The following OSBPL10 variants were observed in gnomAD, a reference collection of about 807,000 sequenced individuals.
OSBPL10 encodes the protein oxysterol binding protein like 10.
Under a neutral mutation model 81.7 loss-of-function variants are expected in OSBPL10, and 49 were observed. That is an observed-to-expected ratio of 0.60 (90% CI 0.48 to 0.76). The LOEUF (loss-of-function observed/expected upper bound fraction) is 0.76, where lower values mean the gene tolerates loss of function less well. Among genes scored for constraint, OSBPL10 ranks in the 30% least tolerant of loss-of-function variants. The pLI, the probability that OSBPL10 is intolerant of heterozygous loss-of-function variation, is 0.00. For missense variants in OSBPL10, 923 were observed against 987.8 expected, an observed-to-expected ratio of 0.93 and a Z score of 0.88; for synonymous variants, 419 against 383.6, an observed-to-expected ratio of 1.09 and a Z score of -1.08.
At chr3:31,831,218 C>T (rs993832904) in intron 3 of OSBPL10, among the ~76,000 whole-genome samples, 1 of 151,970 alleles carries the variant, frequency 6.6e-6, no homozygotes, top group African/African-American at 2.4e-5. Flanking sequence ...ACCAGCCTGA[C>T]CAACATGGAG....
At chr3:31,762,941 A>C (rs1283145257) in intron 4 of OSBPL10, among the ~76,000 whole-genome samples, 1 of 152,116 alleles carries the variant, frequency 6.6e-6, no homozygotes, top group East Asian at 1.9e-4. Context: ...AGATCACAGC[A>C]CAAAGGCTCA....
intron 8 of OSBPL10, among the ~76,000 whole-genome samples, chr3:31,674,893 C>A (rs1203042950): frequency 6.6e-6 from 1 of 152,208 alleles, no homozygotes; most frequent in African/African-American, 2.4e-5. Flanking sequence ...ATGACTCTGC[C>A]CAACGGCAGG....
intron 2 of OSBPL10, among the ~76,000 whole-genome samples, chr3:32,009,734 C>A (rs1326443617): frequency 1.3e-5 from 2 of 152,172 alleles, no homozygotes; most frequent in African/African-American, 2.4e-5. Flanking sequence ...AAGCTGCTTC[C>A]CCATCTTGGG....
chr3:31,777,159 T>A (rs1442834263), intron 4 of OSBPL10, among the ~76,000 whole-genome samples: 1 of 152,226 alleles, frequency 6.6e-6, no homozygotes, highest in Non-Finnish European at 1.5e-5. Flanking sequence ...ACTCACATTG[T>A]GAAGGGACTC....
chr3:32,049,803 A>G (rs1017316397), intron 1 of OSBPL10, among the ~76,000 whole-genome samples: 1 of 152,158 alleles, frequency 6.6e-6, no homozygotes, highest in Non-Finnish European at 1.5e-5. Flanking sequence ...ACTGGAAAAG[A>G]TCCCTTGGTG....
intron 1 of OSBPL10, among the ~76,000 whole-genome samples, chr3:31,947,758 G>A (rs1697743571): frequency 6.6e-6 from 1 of 152,196 alleles, no homozygotes; most frequent in African/African-American, 2.4e-5. Flanking sequence ...AAGAATCTGT[G>A]TTAGGTCATA....
intron 3 of OSBPL10, among the ~76,000 whole-genome samples, chr3:31,868,728 T>G (rs553733691): frequency 6.6e-6 from 1 of 152,332 alleles, no homozygotes; most frequent in African/African-American, 2.4e-5. Flanking sequence ...TTAAAGCCAA[T>G]GAAACTAAAA....
chr3:31,661,834 ATG>A lies in OSBPL10; in HGVS notation c.*236_*237del. On this transcript the variant is annotated 3_prime_UTR_variant, in exon 12 of 12. Coordinates refer to ENST00000396556, the MANE Select transcript of OSBPL10 (RefSeq NM_017784.5). ...TCATACTCAGATGTTTACATAGTGC[ATG>A]TGTGTGAACGTATACGGTGTGTACA... is the stretch of plus-strand genomic sequence containing the variant. The A allele has an allele frequency of 2.2e-6, 1 of 452,682 alleles. No individual in the cohort carries two copies. Among genetic ancestry groups the A allele is most frequent in the Non-Finnish European group, 3.8e-6 (1 of 260,964 alleles). The allele number at this position is 452,682 out of a possible 1,614,324, so 28.0% of individuals were successfully genotyped here.
intron 3 of OSBPL10, among the ~76,000 whole-genome samples, chr3:31,866,066 C>T (rs988264852): frequency 2.6e-5 from 4 of 152,150 alleles, no homozygotes; most frequent in Non-Finnish European, 5.9e-5. Flanking sequence ...CTCCAAAGCC[C>T]TCTGGCTCAC....
intron 3 of OSBPL10, among the ~76,000 whole-genome samples, chr3:31,845,185 C>T (rs570028799): frequency 4.7e-4 from 71 of 152,232 alleles, no homozygotes; most frequent in African/African-American, 1.6e-3. Flanking sequence ...AACCCTCCAC[C>T]GGCAATTCTA....
chr3:32,026,099 TAGATAGAGATAGAGATAGAGAC>T (rs1699410074), intron 2 of OSBPL10, among the ~76,000 whole-genome samples: 2 of 148,428 alleles, frequency 1.3e-5, no homozygotes, highest in African/African-American at 2.5e-5. Flanking sequence ...AGATGATAGA[TAGATAGAGATAGAGATAGAGAC>T]AGAGATAGAG....
At chr3:31,907,619 C>CAAAAAAAAAAAAAAAAAAAAA in intron 1 of OSBPL10, among the ~76,000 whole-genome samples, 1 of 63,872 alleles carries the variant, frequency 1.6e-5, no homozygotes, top group African/African-American at 6.9e-5. Context: ...ACCTCCATCT[C>CAAAAAAAAAAAAAAAAAAAAA]AAAAAAAAAA....
intron 4 of OSBPL10, among the ~76,000 whole-genome samples, chr3:31,825,354 C>T (rs1032182720): frequency 6.6e-6 from 1 of 152,042 alleles, no homozygotes; most frequent in African/African-American, 2.4e-5. Flanking sequence ...AAAAGTCTTG[C>T]ACAGTCGCCT....
intron 3 of OSBPL10, among the ~76,000 whole-genome samples, chr3:31,873,102 C>T (rs1053757805): frequency 6.6e-6 from 1 of 151,898 alleles, no homozygotes; most frequent in Admixed American, 6.6e-5. Context: ...GCTGGCAGGG[C>T]GGAATTGTGA....
intron 11 of OSBPL10, 165 bp downstream of exon 11, chr3:31,663,914 C>A (rs1166332363): frequency 6.6e-7 from 1 of 1,525,600 alleles, no homozygotes; most frequent in Non-Finnish European, 8.8e-7. Context: ...GAAAACCTGT[C>A]CTGAAGCCTT....
chr3:31,681,023 TG>T (rs1484845596), intron 8 of OSBPL10, among the ~76,000 whole-genome samples: 1 of 152,188 alleles, frequency 6.6e-6, no homozygotes, highest in Non-Finnish European at 1.5e-5. Context: ...TAAAGATAGA[TG>T]TATTTTTACA....
chr3:31,771,928 AAC>A (rs1437736708), intron 4 of OSBPL10, among the ~76,000 whole-genome samples: 3 of 152,182 alleles, frequency 2.0e-5, no homozygotes, highest in African/African-American at 7.2e-5. Context: ...TTGGTCCGGG[AAC>A]ACTATGTCAT....
chr3:31,661,072 A>G lies in OSBPL10; in HGVS notation c.*1000T>C, dbSNP rs544281374. ...TCATGTGTAAAGGCTAAAAACTGAA[A>G]TTTAACTGAAACCATGGAATATTTA... On this transcript the variant is annotated 3_prime_UTR_variant, in exon 12 of 12. Coordinates refer to ENST00000396556, the MANE Select transcript of OSBPL10 (RefSeq NM_017784.5). 4 of 152,626 alleles carry G rather than the reference A, an allele frequency of 2.6e-5. No individual in the cohort carries two copies. Among genetic ancestry groups the G allele is most frequent in the Non-Finnish European group, 5.9e-5 (4 of 68,044 alleles). The allele number at this position is 152,626 out of a possible 1,614,324, so 9.5% of individuals were successfully genotyped here.
intron 1 of OSBPL10, among the ~76,000 whole-genome samples, chr3:31,973,997 C>T (rs746796191): frequency 2.6e-5 from 4 of 152,120 alleles, no homozygotes; most frequent in Non-Finnish European, 4.4e-5. Context: ...CATAATACAC[C>T]GTGTCTCTAT....
Sources: allele counts gnomAD v4.1 joint callset (sites outside exome capture counted in the v4.1 genomes callset), GRCh38; gene constraint gnomAD v4.1.1; transcripts MANE v1.5; gene names NCBI Gene and HGNC (gene_info 2026-07-23, HGNC 2026-07-21).